Variants in SLC15A1 observed in about 807,000 individuals in gnomAD.
SLC15A1 encodes Caco-2 oligopeptide transporter.
A neutral mutation model predicts 92.9 loss-of-function variants in SLC15A1; 83 were observed. That is an observed-to-expected ratio of 0.89 (90% CI 0.75 to 1.07). The LOEUF is 1.07. SLC15A1 is among the 50% of genes least tolerant of loss of function. The probability of loss-of-function intolerance (pLI) is 0.00; values close to 1 mark genes in which losing one functional copy is unlikely to be tolerated. For missense variants in SLC15A1, 857 were observed against 880.1 expected, an observed-to-expected ratio of 0.97 and a Z score of 0.33; for synonymous variants, 322 against 318.2, an observed-to-expected ratio of 1.01 and a Z score of -0.13.
At chr13:98,707,944 T>C (rs1230621117) in intron 15 of SLC15A1, among the ~76,000 whole-genome samples, 9 of 148,420 alleles carry the variant, frequency 6.1e-5, no homozygotes, top group Admixed American at 6.0e-4. Context: ...TGTTATGTTA[T>C]ATATATATAT....
intron 10 of SLC15A1, 94 bp from the exon 11 acceptor site, chr13:98,712,037 G>C: frequency 1.1e-6 from 1 of 923,004 alleles, no homozygotes; most frequent in Non-Finnish European, 1.8e-6. Flanking sequence ...TGGAGACACA[G>C]ATATTTGCAT....
intron 18 of SLC15A1, among the ~76,000 whole-genome samples, chr13:98,691,030 A>G (rs182225719): frequency 2.0e-4 from 30 of 151,952 alleles, no homozygotes; most frequent in Admixed American, 5.2e-4. Flanking sequence ...CGTGGCATGT[A>G]TCCGTACTCC....
intron 1 of SLC15A1, among the ~76,000 whole-genome samples, chr13:98,735,445 C>G (rs919990602): frequency 2.6e-5 from 4 of 152,210 alleles, no homozygotes; most frequent in African/African-American, 9.7e-5. Context: ...GATGCCCTCT[C>G]TCACCACTCC....
chr13:98,745,091 T>C (rs1261253565), intron 1 of SLC15A1, among the ~76,000 whole-genome samples: 2 of 152,180 alleles, frequency 1.3e-5, no homozygotes, highest in South Asian at 2.1e-4. Context: ...ATCAACAGAA[T>C]GGGAACGTCG....
At chr13:98,728,805 C>A (rs547679004) in intron 1 of SLC15A1, among the ~76,000 whole-genome samples, 6 of 151,374 alleles carry the variant, frequency 4.0e-5, no homozygotes, top group African/African-American at 9.7e-5. Context: ...ACATGGTGAA[C>A]CCCCATCTCT....
chr13:98,727,666 C>T (rs1031031127), intron 1 of SLC15A1, among the ~76,000 whole-genome samples: 12 of 152,150 alleles, frequency 7.9e-5, no homozygotes, highest in Non-Finnish European at 1.2e-4. Flanking sequence ...TCTGTCTCCC[C>T]GGAATTTTGG....
chr13:98,737,107 T>G (rs1225217065), intron 1 of SLC15A1, among the ~76,000 whole-genome samples: 1 of 152,184 alleles, frequency 6.6e-6, no homozygotes, highest in Admixed American at 6.5e-5. Context: ...TGTCCATCAA[T>G]GATAGACTGG....
chr13:98,729,575 T>C (rs1319521720), intron 1 of SLC15A1, among the ~76,000 whole-genome samples: 1 of 152,190 alleles, frequency 6.6e-6, no homozygotes, highest in Non-Finnish European at 1.5e-5. Flanking sequence ...ACGCCAGCTA[T>C]CCAGAGCAGA....
chr13:98,686,588 A>C (rs938612517), intron 21 of SLC15A1, among the ~76,000 whole-genome samples: 1 of 152,222 alleles, frequency 6.6e-6, no homozygotes, highest in Non-Finnish European at 1.5e-5. Context: ...GAGAGCTTCC[A>C]AGCAAAGCCA....
chr13:98,727,522 T>C (rs562759148), intron 1 of SLC15A1, among the ~76,000 whole-genome samples: 1 of 152,306 alleles, frequency 6.6e-6, no homozygotes, highest in African/African-American at 2.4e-5. Context: ...TAGGGGGTTA[T>C]GTCACAAGAA....
At chr13:98,745,522 A>G (rs567157831) in intron 1 of SLC15A1, among the ~76,000 whole-genome samples, 1 of 152,282 alleles carries the variant, frequency 6.6e-6, no homozygotes, top group South Asian at 2.1e-4. Flanking sequence ...CCCTCATCCA[A>G]TGTGAGTAGA....
intron 1 of SLC15A1, among the ~76,000 whole-genome samples, chr13:98,749,391 C>A (rs1443139183): frequency 1.3e-5 from 2 of 152,128 alleles, no homozygotes; most frequent in Non-Finnish European, 2.9e-5. Flanking sequence ...GAGGTCTTGG[C>A]AGATAGAGGC....
intron 7 of SLC15A1, among the ~76,000 whole-genome samples, chr13:98,720,357 C>G (rs1400066046): frequency 1.3e-5 from 2 of 152,140 alleles, no homozygotes; most frequent in Non-Finnish European, 2.9e-5. Flanking sequence ...TTTAAACATG[C>G]ACCCTCTAGT....
chr13:98,710,750 G>A (rs571224520), intron 11 of SLC15A1, among the ~76,000 whole-genome samples: 119 of 141,146 alleles, frequency 8.4e-4, no homozygotes, highest in Non-Finnish European at 1.2e-3. Flanking sequence ...GGAGGTGGCA[G>A]TGAGCCAAGA....
intron 1 of SLC15A1, among the ~76,000 whole-genome samples, chr13:98,736,742 A>G (rs1032237541): frequency 3.9e-5 from 6 of 152,254 alleles, no homozygotes; most frequent in African/African-American, 1.4e-4. Context: ...ACATAAAAAA[A>G]CGCTCATCAT....
intron 1 of SLC15A1, among the ~76,000 whole-genome samples, chr13:98,751,900 G>T (rs952189960): frequency 6.6e-6 from 1 of 152,154 alleles, no homozygotes; most frequent in Non-Finnish European, 1.5e-5. Flanking sequence ...AGAAAGCAGC[G>T]GGCTGGGCTG....
Position 98,708,672 on chromosome 13 carries a change from A to G in SLC15A1, c.1149+14T>C, listed in dbSNP as rs1566448244. ...CACCAGGAAAGGACATGGGAGAACC[A>G]GGGGACAACTCACATCGATTTCCAC... On this transcript the variant is annotated intron_variant, in intron 15 of 22. Coordinates refer to ENST00000376503, the MANE Select transcript of SLC15A1 (RefSeq NM_005073.4). The G allele has an allele frequency of 6.2e-7, 1 of 1,609,348 alleles. No homozygotes were observed. The highest frequency in any genetic ancestry group is 8.5e-7 in the Non-Finnish European group (1 of 1,177,148).
At chr13:98,737,682 A>G (rs2088405540) in intron 1 of SLC15A1, among the ~76,000 whole-genome samples, 1 of 152,114 alleles carries the variant, frequency 6.6e-6, no homozygotes, top group Non-Finnish European at 1.5e-5. Context: ...ATCTCTTTTC[A>G]TTATAAATTA....
chr13:98,737,037 T>C (rs574767791), intron 1 of SLC15A1, among the ~76,000 whole-genome samples: 1 of 152,332 alleles, frequency 6.6e-6, no homozygotes, highest in East Asian at 1.9e-4. Flanking sequence ...TAAAGACACA[T>C]GCACACGTAT....
Sources: gnomAD v4.1 joint callset for allele counts (sites outside exome capture counted in the v4.1 genomes callset) on GRCh38, gnomAD v4.1.1 for gene constraint, MANE v1.5 for transcripts, NCBI Gene and HGNC (gene_info 2026-07-23, HGNC 2026-07-21) for gene names.